Variants in R3HCC1 observed in about 807,000 individuals in gnomAD.
R3HCC1 encodes R3H domain and coiled-coil containing 1.
Under a neutral mutation model 40.0 loss-of-function variants are expected in R3HCC1, and 32 were observed. The observed-to-expected ratio is 0.80, with a 90% CI of 0.60 to 1.07. The LOEUF is 1.07. Ranked by LOEUF, R3HCC1 falls within the 50% of genes least tolerant of loss-of-function variation. R3HCC1 has a pLI of 0.00. For missense variants in R3HCC1, 586 were observed against 563.3 expected (o/e 1.04, Z -0.41); for synonymous variants, 237 against 232.8 (o/e 1.02, Z -0.17).
In R3HCC1 at chr8:23,289,162, C is replaced by T; in HGVS notation, c.248+9C>T. On this transcript the variant is annotated intron_variant, in intron 3 of 7. Transcript: ENST00000265806. ...TGTCACCAGGACATCAGGTGTGTAG[C>T]CTCCCACCTTGAAGTGCCTGCAGCG... is the stretch of plus-strand genomic sequence containing the variant. The T allele has an allele frequency of 6.5e-7, 1 of 1,535,984 alleles. No individual in the cohort carries two copies. The highest frequency in any genetic ancestry group is 8.7e-7 in the Non-Finnish European group (1 of 1,146,792).
chr8:23,289,551 GTGTT>G (rs1388686376), intron 3 of R3HCC1, among the ~76,000 whole-genome samples: 1 of 152,114 alleles, frequency 6.6e-6, no homozygotes, highest in Admixed American at 6.5e-5. Flanking sequence ...TGTGATCCTA[GTGTT>G]TGAAGTGACA....
Position 23,296,216 on chromosome 8 carries a change from T to C in R3HCC1, c.*119T>C. On this transcript the variant is annotated 3_prime_UTR_variant, in exon 8 of 8. Transcript: ENST00000265806. ...CACCCTCGAGCTTCACCATGGGGTG[T>C]GGTGGGCTTTAGTTTAGTCCCAGAA... The C allele has an allele frequency of 8.2e-7, 1 of 1,216,012 alleles. No homozygotes were observed. The highest frequency in any genetic ancestry group is 1.1e-6 in the Non-Finnish European group (1 of 902,198). 75.3% of individuals were successfully genotyped at this position (1,216,012 alleles called of 1,614,324 possible).
chr8:23,294,920 A>C (rs11779438), intron 7 of R3HCC1, 56 bp downstream of exon 7: 25,035 of 1,258,724 alleles, frequency 0.02, 330 homozygotes, highest in African/African-American at 0.042. Flanking sequence ...TGTGCGTGCG[A>C]GCATGTGTGT....
chr8:23,291,368 A>G lies in R3HCC1; in HGVS notation c.860A>G (p.Asp287Gly). 6.4e-7 allele frequency: 1 copy of G among 1,551,744 alleles called. No individual in the cohort carries two copies. Among genetic ancestry groups the G allele is most frequent in the Non-Finnish European group, 8.7e-7 (1 of 1,146,914 alleles). Reference sequence around the variant, plus strand: ...GGGTCCGATCTCTCCTAGATCACAGACAACCTGACGAAGAAGGAGATTCAG... The same window carrying G: ...GGGTCCGATCTCTCCTAGATCACAGGCAACCTGACGAAGAAGGAGATTCAG... The change falls in exon 5 of 8, where the codon GAC becomes GGC. Residue 287 changes from aspartate (D) to glycine (G), a missense_variant. Physicochemically the swap from Asp to Gly is moderately conservative, Grantham distance 94. Coordinates refer to ENST00000265806, the MANE Select transcript of R3HCC1 (RefSeq NM_001136108.3).
At chr8:23,288,105 C>T (rs1480875420), upstream of R3HCC1, 3 of 1,268,698 alleles carry the variant, frequency 2.4e-6, no homozygotes, top group South Asian at 3.8e-5. Flanking sequence ...GGCGCTCGGG[C>T]GCGCTGGCCC....
Position 23,296,080 on chromosome 8 carries a change from G to A in R3HCC1, c.1306G>A (p.Gly436Ser). 6.5e-7 allele frequency: 1 copy of A among 1,550,164 alleles called. No individual in the cohort carries two copies. The highest frequency in any genetic ancestry group is 8.7e-7 in the Non-Finnish European group (1 of 1,146,796). ...AAAGAAAGAGCGGCCTGCTGTCCGG[G>A]GTCCGCTGCCGCCCTGAGGCCTGGA... The change falls in exon 8 of 8, where the codon GGT becomes AGT. Residue 436 changes from glycine (G) to serine (S), a missense_variant. Gly to Ser is a moderately conservative substitution (Grantham distance 56, BLOSUM62 0). Coordinates refer to ENST00000265806, the MANE Select transcript of R3HCC1 (RefSeq NM_001136108.3).
chr8:23,295,138 C>T (rs902993244), intron 7 of R3HCC1, among the ~76,000 whole-genome samples: 31 of 152,212 alleles, frequency 2.0e-4, no homozygotes, highest in African/African-American at 7.2e-4. Context: ...CTCTCCTGCT[C>T]ATACCCTCTT....
chr8:23,292,429 C>T (rs185999621), intron 5 of R3HCC1, among the ~76,000 whole-genome samples: 3 of 152,162 alleles, frequency 2.0e-5, no homozygotes, highest in East Asian at 1.9e-4. Flanking sequence ...ATGGTGAAAC[C>T]CTGCCTGTCT....
Position 23,291,518 on chromosome 8 carries a change from C to T in R3HCC1, c.1010C>T (p.Thr337Met), listed in dbSNP as rs1448104599. The T allele has an allele frequency of 7.7e-6, 12 of 1,550,864 alleles. No homozygotes were observed. The highest frequency in any genetic ancestry group is 7.3e-5 in the East Asian group (3 of 40,930). ...CTCAAGACGGAGGACCTGCTGGCAA[C>T]GTTTTCTGAGTTCCAGTGAGTGGTG... Residue 337 changes from threonine to methionine, a missense_variant, in exon 5 of 8, where the codon ACG becomes ATG. Physicochemically the swap from Thr to Met is moderately conservative, Grantham distance 81. Coordinates refer to ENST00000265806, the MANE Select transcript of R3HCC1 (RefSeq NM_001136108.3).
At chr8:23,294,897 CTGTGTGTG>C in intron 7 of R3HCC1, 33 bp downstream of exon 7, 1 of 1,374,490 alleles carries the variant, frequency 7.3e-7, no homozygotes, top group Non-Finnish European at 1.0e-6. Flanking sequence ...AATAGGGAGG[CTGTGTGTG>C]TGTGTGTGCG....
rs375507497 is a variant in R3HCC1, at chr8:23,293,294, G to A, written c.1026-9G>A. ...TCCTGAATGTGCTGTCTCCTCTCTC[G>A]CCGCACAGAGAGAAGGGGTTCAGGA... On this transcript the variant is annotated splice_polypyrimidine_tract_variant and intron_variant, in intron 5 of 7. Transcript: ENST00000265806. 29 of 1,549,304 alleles carry A rather than the reference G, an allele frequency of 1.9e-5. No individual in the cohort carries two copies. The highest frequency in any genetic ancestry group is 4.1e-5 in the African/African-American group (3 of 72,974).
chr8:23,293,723 T>C (rs3924018), intron 6 of R3HCC1, among the ~76,000 whole-genome samples: 35,155 of 152,156 alleles, frequency 0.23, 4,666 homozygotes, highest in Middle Eastern at 0.34. Flanking sequence ...ATTTGAATTC[T>C]GGAGATTTCA....
At chr8:23,288,962 G>A in intron 2 of R3HCC1, 54 bp from the exon 3 acceptor site, 1 of 1,528,540 alleles carries the variant, frequency 6.5e-7, no homozygotes, top group Non-Finnish European at 8.8e-7. Context: ...GAGTGGACCT[G>A]GTAGGGGCCA....
At chr8:23,294,640 C>T (rs553668552) in intron 6 of R3HCC1, 129 bp from the exon 7 acceptor site, 11 of 688,294 alleles carry the variant, frequency 1.6e-5, no homozygotes, top group East Asian at 5.7e-5. Context: ...CCATCCAGGG[C>T]GGTGTCGGAG....
chr8:23,292,495 T>G (rs913195838), intron 5 of R3HCC1, among the ~76,000 whole-genome samples: 8 of 152,178 alleles, frequency 5.3e-5, no homozygotes, highest in Admixed American at 3.9e-4. Context: ...GCGCCTGTAG[T>G]CCCAGCTACT....
chr8:23,290,257 G>A lies in R3HCC1; in HGVS notation c.640G>A (p.Glu214Lys). 1.3e-6 allele frequency: 2 copies of A among 1,551,780 alleles called. No individual in the cohort carries two copies. Among genetic ancestry groups the A allele is most frequent in the South Asian group, 2.4e-5 (2 of 84,064 alleles). Residue 214 changes from glutamate to lysine, a missense_variant, in exon 4 of 8, where the codon GAG becomes AAG. Glu to Lys is a moderately conservative substitution (Grantham distance 56, BLOSUM62 1). Transcript: ENST00000265806. ...GCCACTGCTGGACCCTGTTGGCCCT[G>A]AGCCTCTGGGGCCTGAGAGTCAGTC... is the stretch of plus-strand genomic sequence containing the variant.
At position 23,294,401 on chromosome 8, in the gene R3HCC1, A is replaced by T. The variant is rs1585335344; in HGVS notation, c.1097-368A>T. Among the ~76,000 whole-genome samples the T allele has an allele frequency of 2.0e-5, 3 of 152,210 alleles. No individual in the cohort carries two copies. The East Asian group carries it at 5.8e-4, about 29-fold the overall frequency. Reference sequence around the variant, plus strand: ...TGCAACACCAGGCATGACTCAGGGCAGTGAACGCATGTTCCCTGGAGGGTC... The same window carrying T: ...TGCAACACCAGGCATGACTCAGGGCTGTGAACGCATGTTCCCTGGAGGGTC... On this transcript the variant is annotated intron_variant, in intron 6 of 7. Coordinates refer to ENST00000265806, the MANE Select transcript of R3HCC1 (RefSeq NM_001136108.3).
chr8:23,295,937 T>A (rs888231266), intron 7 of R3HCC1, 30 bp from the exon 8 acceptor site: 4 of 1,533,096 alleles, frequency 2.6e-6, no homozygotes, highest in Non-Finnish European at 3.5e-6. Flanking sequence ...ACCTTGTGTT[T>A]AGGTCCCCAC....
intron 2 of R3HCC1, 71 bp downstream of exon 2, chr8:23,288,704 C>G: frequency 2.0e-6 from 3 of 1,513,740 alleles, no homozygotes; most frequent in East Asian, 2.5e-5. Flanking sequence ...CCTGTGTGCC[C>G]TCCCCCAGGT....
Sources: gnomAD v4.1 joint callset for allele counts (sites outside exome capture counted in the v4.1 genomes callset) on GRCh38, gnomAD v4.1.1 for gene constraint, MANE v1.5 for transcripts, NCBI Gene and HGNC (gene_info 2026-07-23, HGNC 2026-07-21) for gene names.